The following SORCS3 variants were observed in gnomAD, a reference collection of about 807,000 sequenced individuals.
SORCS3 encodes the protein VPS10 domain-containing receptor SorCS3.
SORCS3 carries 57 observed loss-of-function variants against 146.3 expected under a neutral mutation model. The observed-to-expected ratio is 0.39, with a 90% CI of 0.31 to 0.49. The LOEUF is 0.49. Ranked by LOEUF, SORCS3 falls within the 20% of genes least tolerant of loss-of-function variation. The pLI, the probability that SORCS3 is intolerant of heterozygous loss-of-function variation, is 0.92. For synonymous variants in SORCS3, 653 were observed against 618.5 expected (o/e 1.06, Z -0.83); for missense variants, 1,341 against 1,575.5 (o/e 0.85, Z 2.52).
intron 4 of SORCS3, among the ~76,000 whole-genome samples, chr10:104,994,063 T>G (rs2055009745): frequency 6.6e-6 from 1 of 152,216 alleles, no homozygotes; most frequent in East Asian, 1.9e-4. Flanking sequence ...AGAGTATCAG[T>G]ACCCTACTGT....
At chr10:104,773,003 G>C (rs562976920) in intron 1 of SORCS3, among the ~76,000 whole-genome samples, 92 of 152,270 alleles carry the variant, frequency 6.0e-4, no homozygotes, top group Non-Finnish European at 8.5e-4. Flanking sequence ...AATGTGAATG[G>C]GCTGGAAGAA....
At chr10:104,902,293 C>T (rs2018859646) in intron 2 of SORCS3, among the ~76,000 whole-genome samples, 1 of 152,172 alleles carries the variant, frequency 6.6e-6, no homozygotes, top group Non-Finnish European at 1.5e-5. Context: ...CTCCTGTCAG[C>T]ACCTTCACTT....
chr10:104,815,690 C>T (rs1174557911), intron 1 of SORCS3, among the ~76,000 whole-genome samples: 1 of 151,968 alleles, frequency 6.6e-6, no homozygotes, highest in Non-Finnish European at 1.5e-5. Flanking sequence ...AGGTAGGCTT[C>T]AGGCAAAATC....
chr10:105,162,974 C>CT (rs201597527), intron 11 of SORCS3, among the ~76,000 whole-genome samples: 2,856 of 152,254 alleles, frequency 0.019, 33 homozygotes, highest in Middle Eastern at 0.041. Context: ...TGATATTCTC[C>CT]TCCCCATTTC....
chr10:104,974,242 G>A (rs1326042170), intron 3 of SORCS3, among the ~76,000 whole-genome samples: 1 of 151,906 alleles, frequency 6.6e-6, no homozygotes, highest in East Asian at 1.9e-4. Context: ...TCAATTCCTG[G>A]GTATACTTGT....
At chr10:105,011,364 A>G (rs1009688436) in intron 4 of SORCS3, among the ~76,000 whole-genome samples, 4 of 152,162 alleles carry the variant, frequency 2.6e-5, no homozygotes, top group Non-Finnish European at 4.4e-5. Context: ...CTGACCCCAG[A>G]AAAACAGTGA....
intron 1 of SORCS3, among the ~76,000 whole-genome samples, chr10:104,756,352 C>T (rs191015377): frequency 9.5e-4 from 145 of 152,248 alleles, no homozygotes; most frequent in African/African-American, 3.3e-3. Flanking sequence ...TTCCTCTACA[C>T]GCAATAGAAA....
chr10:104,753,297 T>G (rs2017010103), intron 1 of SORCS3, among the ~76,000 whole-genome samples: 1 of 152,156 alleles, frequency 6.6e-6, no homozygotes, highest in Non-Finnish European at 1.5e-5. Flanking sequence ...CCTTCACTGT[T>G]TGAGAAAGGT....
rs1420992471 is a variant in SORCS3 at position 105,125,451 on chromosome 10, A to G, written c.1213-13946A>G. Among the ~76,000 whole-genome samples the G allele has an allele frequency of 3.3e-5, 5 of 152,188 alleles. No homozygotes were observed. The East Asian group carries it at 7.7e-4, about 23-fold the overall frequency. On this transcript the variant is annotated intron_variant, in intron 7 of 26. Transcript: ENST00000369701. ...GCCATTTTCCCAAGACGACACAGCC[A>G]GTAAACAATGGAGTGGAGATTTTGA...
At chr10:104,969,951 G>A (rs1038642855) in intron 3 of SORCS3, among the ~76,000 whole-genome samples, 17 of 152,062 alleles carry the variant, frequency 1.1e-4, no homozygotes, top group Middle Eastern at 3.4e-3. Flanking sequence ...TGTAACTCAC[G>A]GTATATAAAA....
chr10:104,817,710 C>T (rs1045393263), intron 1 of SORCS3, among the ~76,000 whole-genome samples: 1 of 114,242 alleles, frequency 8.8e-6, no homozygotes, highest in Non-Finnish European at 1.7e-5. Flanking sequence ...CTCTTATTTT[C>T]CCTCCCCTCC....
intron 1 of SORCS3, among the ~76,000 whole-genome samples, chr10:104,662,160 T>C (rs2015711011): frequency 6.6e-6 from 1 of 152,226 alleles, no homozygotes; most frequent in African/African-American, 2.4e-5. Flanking sequence ...TACTGTATTA[T>C]TGATGTTGAA....
intron 2 of SORCS3, among the ~76,000 whole-genome samples, chr10:104,856,507 T>C (rs1297303605): frequency 1.4e-5 from 2 of 147,092 alleles, no homozygotes; most frequent in Non-Finnish European, 3.0e-5. Context: ...TATTTATATA[T>C]AAATATATAC....
At chr10:104,977,979 C>T (rs1386940312) in intron 4 of SORCS3, among the ~76,000 whole-genome samples, 1 of 152,076 alleles carries the variant, frequency 6.6e-6, no homozygotes, top group African/African-American at 2.4e-5. Context: ...ATCCGCCCGC[C>T]TCGGCCTCCC....
In SORCS3 at chr10:105,185,473, G is replaced by A. The variant is rs1224021009; in HGVS notation, c.2009+7300G>A. On this transcript the variant is annotated intron_variant, in intron 14 of 26. Coordinates refer to ENST00000369701, the MANE Select transcript of SORCS3 (RefSeq NM_014978.3). ...CACCTGGTGTACACATGTCCTCTCC[G>A]GCTGTCCCGTTTCACTCCTTGTTCG... 5.3e-5 allele frequency among the ~76,000 whole-genome samples: 8 copies of A among 152,064 alleles called. 1 individual carries two copies. The highest frequency in any genetic ancestry group is 3.9e-4 in the East Asian group (2 of 5,168).
At chr10:105,159,929 C>T (rs1176819362) in intron 11 of SORCS3, among the ~76,000 whole-genome samples, 1 of 152,176 alleles carries the variant, frequency 6.6e-6, no homozygotes, top group Non-Finnish European at 1.5e-5. Context: ...CTGTCAACCC[C>T]AGATGGTTGA....
intron 2 of SORCS3, among the ~76,000 whole-genome samples, chr10:104,885,154 C>T (rs953194023): frequency 2.6e-5 from 4 of 152,098 alleles, no homozygotes; most frequent in African/African-American, 9.7e-5. Context: ...TGCTGCTCAC[C>T]CACACAGGGA....
intron 1 of SORCS3, among the ~76,000 whole-genome samples, chr10:104,748,090 G>C (rs1285086857): frequency 6.6e-6 from 1 of 152,180 alleles, no homozygotes; most frequent in East Asian, 1.9e-4. Flanking sequence ...TTTGTCATGA[G>C]GTCTCAATGA....
intron 2 of SORCS3, among the ~76,000 whole-genome samples, chr10:104,844,100 C>A (rs543808101): frequency 1.3e-5 from 2 of 152,186 alleles, no homozygotes; most frequent in African/African-American, 4.8e-5. Context: ...GTTAATTGCT[C>A]ATGTCGACTG....
Sources: gnomAD v4.1 joint callset for allele counts (sites outside exome capture counted in the v4.1 genomes callset) on GRCh38, gnomAD v4.1.1 for gene constraint, MANE v1.5 for transcripts, NCBI Gene and HGNC (gene_info 2026-07-23, HGNC 2026-07-21) for gene names.